The following EVI5 variants were observed in gnomAD, a reference collection of about 807,000 sequenced individuals.
EVI5 encodes ecotropic viral integration site 5.
A neutral mutation model predicts 112.0 loss-of-function variants in EVI5; 73 were observed. The ratio of observed to expected loss-of-function variants is 0.65; its 90% CI spans 0.54 to 0.79. The LOEUF is 0.79. Ranked by LOEUF, EVI5 falls within the 30% of genes least tolerant of loss-of-function variation. The probability of loss-of-function intolerance (pLI) is 0.00; values close to 1 mark genes in which losing one functional copy is unlikely to be tolerated. For missense variants in EVI5, 900 were observed against 968.8 expected (o/e 0.93, Z 0.94); for synonymous variants, 305 against 319.9 (o/e 0.95, Z 0.50).
chr1:92,744,600 TCACACACACACACACA>T, intron 1 of EVI5, among the ~76,000 whole-genome samples: 1 of 28,062 alleles, frequency 3.6e-5, no homozygotes, highest in South Asian at 1.5e-3. Context: ...TCTCTCTCTC[TCACACACACACACACA>T]CACACACACA....
intron 1 of EVI5, among the ~76,000 whole-genome samples, chr1:92,751,709 T>G (rs1339891900): frequency 1.3e-5 from 2 of 149,810 alleles, no homozygotes; most frequent in Non-Finnish European, 2.9e-5. Flanking sequence ...CTATAAACTC[T>G]TAGATTACAA....
chr1:92,703,805 C>T (rs1422553631), intron 3 of EVI5, 186 bp from the exon 4 acceptor site: 2 of 546,648 alleles, frequency 3.7e-6, no homozygotes, highest in Non-Finnish European at 6.3e-6. Context: ...TGGGTGTATC[C>T]TCTTCTGGTC....
At chr1:92,621,016 A>G (rs1654442054) in intron 16 of EVI5, among the ~76,000 whole-genome samples, 1 of 151,978 alleles carries the variant, frequency 6.6e-6, no homozygotes, top group Non-Finnish European at 1.5e-5. Context: ...TTCATTTATT[A>G]TTATTTATAA....
chr1:92,636,382 T>A, intron 13 of EVI5, 46 bp from the exon 14 acceptor site: 1 of 1,529,280 alleles, frequency 6.5e-7, no homozygotes, highest in Non-Finnish European at 9.0e-7. Flanking sequence ...AGTATAAACA[T>A]GTATATACAA....
At chr1:92,565,250 C>G (rs903464886) in intron 18 of EVI5, among the ~76,000 whole-genome samples, 3 of 152,152 alleles carry the variant, frequency 2.0e-5, no homozygotes, top group Non-Finnish European at 4.4e-5. Context: ...TATAATCAAA[C>G]ACACATGAAT....
chr1:92,671,558 T>C (rs1337425357), intron 10 of EVI5, among the ~76,000 whole-genome samples: 4 of 152,186 alleles, frequency 2.6e-5, no homozygotes, highest in South Asian at 2.1e-4. Flanking sequence ...TTTAAGAAGC[T>C]AACTGGACAT....
At chr1:92,710,752 TTG>T (rs141152643) in intron 2 of EVI5, among the ~76,000 whole-genome samples, 127,990 of 143,356 alleles carry the variant, frequency 0.89, 57,104 homozygotes, top group South Asian at 0.96. Flanking sequence ...GAGATTGGGG[TTG>T]GGGGGGGGGT....
intron 2 of EVI5, among the ~76,000 whole-genome samples, chr1:92,708,266 T>C (rs1432242234): frequency 6.6e-6 from 1 of 151,178 alleles, no homozygotes; most frequent in African/African-American, 2.4e-5. Context: ...GTATCTAGAA[T>C]ATAGAAAGAA....
chr1:92,636,085 A>G (rs1388694900), intron 14 of EVI5, 117 bp downstream of exon 14: 1 of 796,330 alleles, frequency 1.3e-6, no homozygotes, highest in Admixed American at 2.8e-5. Flanking sequence ...AGTAACTAAT[A>G]TGTAAGGCTT....
rs560807229 is a variant in EVI5, at chr1:92,628,823, T to A, written c.1528-2889A>T. 1.3e-4 allele frequency among the ~76,000 whole-genome samples: 20 copies of A among 152,350 alleles called. 1 individual carries two copies. Among genetic ancestry groups the A allele is most frequent in the African/African-American group, 4.8e-4 (20 of 41,592 alleles). ...TAGGGATGATGGAATGAAGTTATTC[T>A]CACCAATTACACTTTCTTATAATGG... On this transcript the variant is annotated intron_variant, in intron 14 of 19. Coordinates refer to ENST00000684568, the MANE Select transcript of EVI5 (RefSeq NM_001350197.2).
intron 16 of EVI5, among the ~76,000 whole-genome samples, chr1:92,619,000 A>G (rs1056378117): frequency 1.3e-5 from 2 of 152,180 alleles, no homozygotes; most frequent in Non-Finnish European, 2.9e-5. Flanking sequence ...TTATTACCTC[A>G]TTATTGTCTT....
chr1:92,628,771 C>T (rs1656251691), intron 14 of EVI5, among the ~76,000 whole-genome samples: 1 of 152,206 alleles, frequency 6.6e-6, no homozygotes, highest in Non-Finnish European at 1.5e-5. Context: ...CTAAATATTT[C>T]ACGGTACACA....
rs553212909 is a variant in EVI5, at chr1:92,677,843, C to T, written c.1098-625G>A. Among the ~76,000 whole-genome samples, 72 of 152,204 alleles carry T rather than the reference C, an allele frequency of 4.7e-4. 4 individuals are homozygous for T. The South Asian group carries it at 0.014, about 30-fold the overall frequency. Reference sequence around the variant, plus strand: ...AATACTAAATTTACAGTACAGAATCCTAGTAGACTGCACCTGAACTAACTG... The same window carrying T: ...AATACTAAATTTACAGTACAGAATCTTAGTAGACTGCACCTGAACTAACTG... On this transcript the variant is annotated intron_variant, in intron 9 of 19. Transcript: ENST00000684568.
chr1:92,614,456 G>A (rs1056914644), intron 16 of EVI5, among the ~76,000 whole-genome samples: 1 of 152,182 alleles, frequency 6.6e-6, no homozygotes, highest in African/African-American at 2.4e-5. Flanking sequence ...GATCCTGTGT[G>A]TGTCTGTGAG....
At chr1:92,569,588 G>A (rs770596808) in intron 18 of EVI5, among the ~76,000 whole-genome samples, 2 of 152,038 alleles carry the variant, frequency 1.3e-5, no homozygotes, top group Non-Finnish European at 2.9e-5. Flanking sequence ...AGGCGCGGTG[G>A]CTCATGCCTG....
chr1:92,719,700 A>C (rs1424823553), intron 2 of EVI5, among the ~76,000 whole-genome samples: 2 of 152,054 alleles, frequency 1.3e-5, no homozygotes, highest in Non-Finnish European at 2.9e-5. Flanking sequence ...TCGCCAGGGT[A>C]ATCAGGCAAG....
At chr1:92,545,919 T>C (rs940115810) in intron 19 of EVI5, among the ~76,000 whole-genome samples, 23 of 151,916 alleles carry the variant, frequency 1.5e-4, no homozygotes, top group African/African-American at 5.3e-4. Flanking sequence ...CTATTCTCCT[T>C]TTCCTGGCAA....
At chr1:92,634,039 G>T (rs1572022346) in intron 14 of EVI5, among the ~76,000 whole-genome samples, 1 of 152,190 alleles carries the variant, frequency 6.6e-6, no homozygotes, top group South Asian at 2.1e-4. Flanking sequence ...AGTTTCTGCT[G>T]AGAGATCAGC....
At chr1:92,706,317 C>T (rs1234021215) in intron 2 of EVI5, among the ~76,000 whole-genome samples, 5 of 152,010 alleles carry the variant, frequency 3.3e-5, no homozygotes, top group Non-Finnish European at 7.4e-5. Context: ...TCAGTAAGTC[C>T]GTAATATATC....
Sources: allele counts gnomAD v4.1 joint callset (sites outside exome capture counted in the v4.1 genomes callset), GRCh38; gene constraint gnomAD v4.1.1; transcripts MANE v1.5; gene names NCBI Gene and HGNC (gene_info 2026-07-23, HGNC 2026-07-21).